Variants in DYNC1H1 observed in about 807,000 individuals in gnomAD.
DYNC1H1 encodes the protein cytoplasmic dynein 1 heavy chain 1.
In DYNC1H1, 51 loss-of-function variants were observed where a neutral mutation model predicts 527.1. The observed-to-expected ratio is 0.10, with a 90% CI of 0.08 to 0.12. DYNC1H1 has a LOEUF of 0.12. DYNC1H1 is among the 10% of genes least tolerant of loss of function. The pLI, the probability that DYNC1H1 is intolerant of heterozygous loss-of-function variation, is 1.00. For synonymous variants in DYNC1H1, 2,189 were observed against 2,278.8 expected, an observed-to-expected ratio of 0.96 and a Z score of 1.12; for missense variants, 2,771 against 5,971.8, an observed-to-expected ratio of 0.46 and a Z score of 17.66.
intron 51 of DYNC1H1, among the ~76,000 whole-genome samples, chr14:102,031,837 C>G (rs1224484839): frequency 6.6e-6 from 1 of 152,010 alleles, no homozygotes; most frequent in African/African-American, 2.4e-5. Context: ...ACCTGTAATC[C>G]CAGCTGCTCA....
At chr14:101,971,941 G>A (rs2047743557) in intron 1 of DYNC1H1, among the ~76,000 whole-genome samples, 1 of 152,172 alleles carries the variant, frequency 6.6e-6, no homozygotes, top group Non-Finnish European at 1.5e-5. Context: ...ATAGCTTGCA[G>A]GGAAGGAACT....
intron 29 of DYNC1H1, 40 bp downstream of exon 29, chr14:102,008,377 G>A (rs779309445): frequency 7.0e-5 from 113 of 1,610,842 alleles, no homozygotes; most frequent in Non-Finnish European, 9.2e-5. Context: ...AGAGAATGTA[G>A]AGGGAAATTC....
At position 101,999,263 on chromosome 14, in the gene DYNC1H1, G is replaced by A. The variant is rs142941053; in HGVS notation, c.3805-726G>A. 4.9e-3 allele frequency among the ~76,000 whole-genome samples: 752 copies of A among 152,044 alleles called. 9 individuals carry two copies. Among genetic ancestry groups the A allele is most frequent in the African/African-American group, 0.017 (720 of 41,460 alleles). On this transcript the variant is annotated intron_variant, in intron 16 of 77. Transcript: ENST00000360184. ...ATGGTCATAGCTCACTGAAGCCTCCGTTTCCTGGGATCAAGCGTTGTAGCT... is the reference window on the plus strand; with the variant it reads ...ATGGTCATAGCTCACTGAAGCCTCCATTTCCTGGGATCAAGCGTTGTAGCT...
In DYNC1H1 at chr14:102,040,585, A is replaced by C. The variant is rs767497928; in HGVS notation, c.11866-13A>C. ...GCCCTGCTCCATGGGTGCTTCCACTATTGTCTCCACAGCAATTTGGCATCT... is the reference window on the plus strand; with the variant it reads ...GCCCTGCTCCATGGGTGCTTCCACTCTTGTCTCCACAGCAATTTGGCATCT... On this transcript the variant is annotated splice_polypyrimidine_tract_variant and intron_variant, in intron 63 of 77. Coordinates refer to ENST00000360184, the MANE Select transcript of DYNC1H1 (RefSeq NM_001376.5). 6.2e-7 allele frequency: 1 copy of C among 1,614,068 alleles called. No homozygotes were observed. The highest frequency in any genetic ancestry group is 8.5e-7 in the Non-Finnish European group (1 of 1,180,014).
At chr14:101,984,670 C>T (rs554788158) in intron 7 of DYNC1H1, among the ~76,000 whole-genome samples, 6 of 150,692 alleles carry the variant, frequency 4.0e-5, no homozygotes, top group South Asian at 2.1e-4. Flanking sequence ...CGGTGGCTCA[C>T]GCCTGTAATC....
chr14:101,999,893 A>G, intron 16 of DYNC1H1, 96 bp from the exon 17 acceptor site: 1 of 1,574,694 alleles, frequency 6.4e-7, no homozygotes, highest in Non-Finnish European at 8.7e-7. Flanking sequence ...CGAAACGTCC[A>G]GAAGCCCTGC....
Position 102,016,212 on chromosome 14 carries a change from G to A in DYNC1H1, c.7473+126G>A. 3.3e-6 allele frequency: 5 copies of A among 1,504,190 alleles called. No homozygotes were observed. Among genetic ancestry groups the A allele is most frequent in the Non-Finnish European group, 3.6e-6 (4 of 1,104,524 alleles). The allele number at this position is 1,504,190 out of a possible 1,614,324, so 93.2% of individuals were successfully genotyped here. A position where few individuals can be genotyped will look rare whatever the true frequency, so the allele number is the denominator to read the frequency against. ...TAGGCGAGGCAGAGCCTTCGTTGAGGGGCTAGGAAAGGTGCAGTGGGTGTC... is the reference window on the plus strand; with the variant it reads ...TAGGCGAGGCAGAGCCTTCGTTGAGAGGCTAGGAAAGGTGCAGTGGGTGTC... On this transcript the variant is annotated intron_variant, in intron 36 of 77. Transcript: ENST00000360184. The surrounding 1 kb of genome is among the most constrained non-coding windows in gnomAD (Gnocchi z 7.3).
Position 102,004,637 on chromosome 14 carries a change from A to G in DYNC1H1, c.5003A>G (p.Glu1668Gly). ...FAGVSSIILN[E>G]DNSVVLGISS... ...GGAGTTTCGAGCATCATCCTGAACG[A>G]GGATAACTCTGTTGTTTTGGGTATT... is the stretch of plus-strand genomic sequence containing the variant. Residue 1668 changes from glutamate (E) to glycine (G), a missense_variant, in exon 24 of 78, where the codon GAG becomes GGG. Coordinates refer to ENST00000360184, the MANE Select transcript of DYNC1H1 (RefSeq NM_001376.5). The G allele has an allele frequency of 6.2e-7, 1 of 1,614,194 alleles. No individual in the cohort carries two copies.
chr14:101,987,205 A>T (rs1383472447), intron 8 of DYNC1H1, among the ~76,000 whole-genome samples: 1 of 152,206 alleles, frequency 6.6e-6, no homozygotes, highest in Non-Finnish European at 1.5e-5. Context: ...TACCCATCAG[A>T]GGCCACCTCT....
Position 102,050,831 on chromosome 14 carries a change from G to A in DYNC1H1, c.*268G>A, listed in dbSNP as rs529919249. On this transcript the variant is annotated 3_prime_UTR_variant, in exon 78 of 78. Transcript: ENST00000360184. ...CTTCTGTCTCCGCTTTCATCCCAGG[G>A]CACAGAGCCTTGCCTTCCATGCTGC... is the stretch of plus-strand genomic sequence containing the variant. 3 of 456,426 alleles carry A rather than the reference G, an allele frequency of 6.6e-6. No homozygotes were observed. The highest frequency in any genetic ancestry group is 6.2e-5 in the South Asian group (3 of 48,470). The allele number at this position is 456,426 out of a possible 1,614,324, so 28.3% of individuals were successfully genotyped here. A position where few individuals can be genotyped will look rare whatever the true frequency, so the allele number is the denominator to read the frequency against.
chr14:101,984,490 T>C (rs1428337301), intron 7 of DYNC1H1, among the ~76,000 whole-genome samples: 1 of 133,838 alleles, frequency 7.5e-6, no homozygotes, highest in African/African-American at 2.9e-5. Context: ...AGTCTCAGTC[T>C]GTCACCCAGG....
chr14:102,004,387 T>A (rs2048172552), intron 23 of DYNC1H1, 131 bp from the exon 24 acceptor site: 2 of 1,023,742 alleles, frequency 2.0e-6, no homozygotes, highest in African/African-American at 1.6e-5. Flanking sequence ...TCTGATGTGA[T>A]CTGAATTTGG....
At chr14:102,040,435 A>C (rs1274204341) in intron 63 of DYNC1H1, 25 bp downstream of exon 63, 1 of 1,614,144 alleles carries the variant, frequency 6.2e-7, no homozygotes, top group Non-Finnish European at 8.5e-7. Flanking sequence ...GAATGTTCCC[A>C]GTAGGTAAAT....
rs76789137 is a variant in DYNC1H1 at position 101,966,811 on chromosome 14, G to A, written c.256+1864G>A. ...TTTTCCAGGCATCTTAAAATTGGAC[G>A]TTGCTAAAATTATTGGGGTGGGGGG... On this transcript the variant is annotated intron_variant, in intron 1 of 77. Coordinates refer to ENST00000360184, the MANE Select transcript of DYNC1H1 (RefSeq NM_001376.5). Among the ~76,000 whole-genome samples, 834 of 152,016 alleles carry A rather than the reference G, an allele frequency of 5.5e-3. 17 individuals carry two copies. Among genetic ancestry groups the A allele is most frequent in the East Asian group, 0.037 (190 of 5,176 alleles).
Position 102,038,820 on chromosome 14 carries a change from G to A in DYNC1H1, c.11178G>A (p.Glu3726=). 6.2e-7 allele frequency: 1 copy of A among 1,614,202 alleles called. No homozygotes were observed. The highest frequency in any genetic ancestry group is 8.5e-7 in the Non-Finnish European group (1 of 1,180,042). The stretch of plus-strand genomic sequence containing the variant: ...AAGCAGAAAGACCTGATGTGGACGA[G>A]AAACGATCTGATCTTCTTAAACTTC... ...VLKAERPDVD[E]KRSDLLKLQG... The change falls in exon 59 of 78, where the codon GAG becomes GAA. Residue 3726 remains glutamate (E), a synonymous_variant. Coordinates refer to ENST00000360184, the MANE Select transcript of DYNC1H1 (RefSeq NM_001376.5). The surrounding 1 kb of genome is among the most constrained non-coding windows in gnomAD (Gnocchi z 7.2).
At chr14:102,032,549 C>G in intron 52 of DYNC1H1, 82 bp downstream of exon 52, 1 of 1,567,716 alleles carries the variant, frequency 6.4e-7, no homozygotes, top group Non-Finnish European at 8.7e-7. Flanking sequence ...CGCCTCCAAT[C>G]CCAGAACTTT....
Position 102,053,785 on chromosome 14 carries a change from C to CACTGAGG in DYNC1H1, c.*3223_*3229dup, listed in dbSNP as rs1261872878. 1 of 142,014 alleles carries CACTGAGG rather than the reference C, an allele frequency of 7.0e-6. No homozygotes were observed. The highest frequency in any genetic ancestry group is 1.5e-5 in the Non-Finnish European group (1 of 65,616). The allele number at this position is 142,014 out of a possible 1,614,324, so 8.8% of individuals were successfully genotyped here. ...TTTTTTTGAGACAGTCTGGCTCTGT[C>CACTGAGG]ACTGAGGCTGGAGTGCAGTGATGCA... is the stretch of plus-strand genomic sequence containing the variant. On this transcript the variant is annotated 3_prime_UTR_variant, in exon 78 of 78. Coordinates refer to ENST00000360184, the MANE Select transcript of DYNC1H1 (RefSeq NM_001376.5).
chr14:101,996,288 C>T (rs1178262073), intron 15 of DYNC1H1, among the ~76,000 whole-genome samples: 1 of 151,662 alleles, frequency 6.6e-6, no homozygotes, highest in African/African-American at 2.4e-5. Flanking sequence ...CACCACCATG[C>T]CCGGCTAATT....
At chr14:102,048,410 C>G in intron 73 of DYNC1H1, 106 bp from the exon 74 acceptor site, 1 of 1,470,874 alleles carries the variant, frequency 6.8e-7, no homozygotes, top group Non-Finnish European at 9.4e-7. Flanking sequence ...CTGGACAGTT[C>G]GGAAGCTCTG....
Sources: gnomAD v4.1 joint callset for allele counts (sites outside exome capture counted in the v4.1 genomes callset) on GRCh38, gnomAD v4.1.1 for gene constraint, Gnocchi (gnomAD v3.1) non-coding constraint, MANE v1.5 for transcripts, NCBI Gene and HGNC (gene_info 2026-07-23, HGNC 2026-07-21) for gene names.